PLCB1: variants seen among roughly 807,000 people sequenced by gnomAD.
The protein encoded by PLCB1 is phospholipase C beta 1.
Under a neutral mutation model 161.8 loss-of-function variants are expected in PLCB1, and 46 were observed. That is an observed-to-expected ratio of 0.28 (90% CI 0.22 to 0.36). PLCB1 has a LOEUF of 0.36. Among genes scored for constraint, PLCB1 ranks in the 10% least tolerant of loss-of-function variants. The pLI, the probability that PLCB1 is intolerant of heterozygous loss-of-function variation, is 1.00. For synonymous variants in PLCB1, 517 were observed against 503.7 expected (o/e 1.03, Z -0.35); for missense variants, 1,016 against 1,472.5 (o/e 0.69, Z 5.07).
chr20:8,333,635 G>A (rs1360695775), intron 2 of PLCB1, among the ~76,000 whole-genome samples: 2 of 152,138 alleles, frequency 1.3e-5, no homozygotes, highest in Admixed American at 6.5e-5. Context: ...TGCACAGGAT[G>A]TACTCTTATA....
chr20:8,407,872 T>A (rs1978855204), intron 3 of PLCB1, among the ~76,000 whole-genome samples: 1 of 151,902 alleles, frequency 6.6e-6, no homozygotes, highest in Admixed American at 6.6e-5. Context: ...ATCAGACAAA[T>A]CCAGATTAAG....
intron 4 of PLCB1, among the ~76,000 whole-genome samples, chr20:8,644,401 C>T (rs1485778852): frequency 6.9e-6 from 1 of 145,704 alleles, no homozygotes; most frequent in African/African-American, 2.7e-5. Flanking sequence ...AGCGTCTCTG[C>T]CCGGCCACCC....
chr20:8,684,259 TA>T (rs1990302358), intron 9 of PLCB1, among the ~76,000 whole-genome samples: 1 of 149,240 alleles, frequency 6.7e-6, no homozygotes. Flanking sequence ...TTTATTTATT[TA>T]TTTATTTTTA....
chr20:8,255,806 T>C (rs1600265970), intron 2 of PLCB1, among the ~76,000 whole-genome samples: 2 of 152,188 alleles, frequency 1.3e-5, no homozygotes, highest in Admixed American at 6.6e-5. Flanking sequence ...TTTTAAAATA[T>C]TCTGGGGGTT....
chr20:8,573,967 A>AT (rs140072823), intron 3 of PLCB1, among the ~76,000 whole-genome samples: 2 of 152,230 alleles, frequency 1.3e-5, no homozygotes, highest in African/African-American at 4.8e-5. Context: ...ATAAATGTAG[A>AT]TTTTTTTAAG....
At chr20:8,748,599 C>T (rs1449980079) in intron 23 of PLCB1, among the ~76,000 whole-genome samples, 1 of 152,102 alleles carries the variant, frequency 6.6e-6, no homozygotes, top group East Asian at 1.9e-4. Flanking sequence ...ATCATGGCTC[C>T]CAATTAATGA....
At chr20:8,343,314 C>G (rs765890209) in intron 2 of PLCB1, among the ~76,000 whole-genome samples, 6 of 152,344 alleles carry the variant, frequency 3.9e-5, no homozygotes, top group Non-Finnish European at 5.9e-5. Context: ...GAGGAGGCCT[C>G]AAAATCCCCT....
At chr20:8,740,232 G>C (rs1980801012) in intron 21 of PLCB1, 112 bp from the exon 22 acceptor site, 1 of 623,478 alleles carries the variant, frequency 1.6e-6, no homozygotes, top group Admixed American at 3.3e-5. Context: ...AAAGTGATTT[G>C]TTTTTCATCT....
At chr20:8,515,193 A>G (rs749232419) in intron 3 of PLCB1, among the ~76,000 whole-genome samples, 1 of 152,184 alleles carries the variant, frequency 6.6e-6, no homozygotes, top group Non-Finnish European at 1.5e-5. Flanking sequence ...TCCCACTACC[A>G]CTTATTTACT....
At chr20:8,696,651 G>T (rs1990591651) in intron 10 of PLCB1, among the ~76,000 whole-genome samples, 1 of 151,914 alleles carries the variant, frequency 6.6e-6, no homozygotes, top group Non-Finnish European at 1.5e-5. Context: ...CATTTATTTG[G>T]GTCTTCTTTA....
chr20:8,314,725 A>G (rs2122135455), intron 2 of PLCB1, among the ~76,000 whole-genome samples: 1 of 152,322 alleles, frequency 6.6e-6, no homozygotes, highest in East Asian at 1.9e-4. Context: ...AAATAGGTAA[A>G]ACATACCTTT....
chr20:8,203,048 G>C, intron 2 of PLCB1, among the ~76,000 whole-genome samples: 1 of 151,912 alleles, frequency 6.6e-6, no homozygotes, highest in African/African-American at 2.4e-5. Context: ...GAGCAGGAAA[G>C]TTTAAGCTGG....
chr20:8,287,378 A>G (rs1983169798), intron 2 of PLCB1, among the ~76,000 whole-genome samples: 1 of 152,184 alleles, frequency 6.6e-6, no homozygotes, highest in Admixed American at 6.5e-5. Context: ...TGTGATTAGA[A>G]TAAAGAAGAG....
Position 8,132,525 on chromosome 20 carries a change from G to T in PLCB1, c.-127G>T. The T allele has an allele frequency of 4.2e-6, 2 of 477,926 alleles. No homozygotes were observed. The highest frequency in any genetic ancestry group is 7.0e-6 in the Non-Finnish European group (2 of 287,062). 29.6% of individuals were successfully genotyped at this position (477,926 alleles called of 1,614,324 possible). On this transcript the variant is annotated 5_prime_UTR_variant, in exon 1 of 32. Coordinates refer to ENST00000338037, the MANE Select transcript of PLCB1 (RefSeq NM_015192.4). The surrounding 1 kb of genome is among the most constrained non-coding windows in gnomAD (Gnocchi z 5.2). ...CGGAGGCCGGGAGGCCGGGGAGGCC[G>T]GCGGGGAGCAGAGTCGAGCGCCTCC...
chr20:8,571,097 A>G (rs1175205337), intron 3 of PLCB1, among the ~76,000 whole-genome samples: 1 of 152,196 alleles, frequency 6.6e-6, no homozygotes, highest in Non-Finnish European at 1.5e-5. Flanking sequence ...CAATGGTTGG[A>G]ATTTGGGTGT....
intron 31 of PLCB1, among the ~76,000 whole-genome samples, chr20:8,797,119 T>G (rs1600335526): frequency 6.6e-6 from 1 of 152,190 alleles, no homozygotes; most frequent in South Asian, 2.1e-4. Context: ...GTGGTTATTT[T>G]CCTTTAGCAC....
intron 10 of PLCB1, among the ~76,000 whole-genome samples, chr20:8,693,970 T>C (rs1410024117): frequency 6.6e-6 from 1 of 152,192 alleles, no homozygotes; most frequent in African/African-American, 2.4e-5. Context: ...GGAGAGATGA[T>C]GTCAAATACT....
chr20:8,383,171 C>A (rs910773337), intron 3 of PLCB1, among the ~76,000 whole-genome samples: 2 of 152,148 alleles, frequency 1.3e-5, no homozygotes, highest in Non-Finnish European at 2.9e-5. Flanking sequence ...GGAATCTCTG[C>A]GTCTCTTTGT....
At chr20:8,466,842 G>A (rs1276463450) in intron 3 of PLCB1, among the ~76,000 whole-genome samples, 1 of 152,150 alleles carries the variant, frequency 6.6e-6, no homozygotes, top group Non-Finnish European at 1.5e-5. Context: ...TTGTAAAAAT[G>A]TTGACCCAGA....
Sources: allele counts gnomAD v4.1 joint callset (sites outside exome capture counted in the v4.1 genomes callset), GRCh38; gene constraint gnomAD v4.1.1; non-coding constraint Gnocchi (gnomAD v3.1); transcripts MANE v1.5; gene names NCBI Gene and HGNC (gene_info 2026-07-23, HGNC 2026-07-21).